Variants in FBXL2 observed in about 807,000 individuals in gnomAD.
The protein encoded by FBXL2 is F-box/LRR-repeat protein 2.
FBXL2 carries 38 observed loss-of-function variants against 69.2 expected under a neutral mutation model. The ratio of observed to expected loss-of-function variants is 0.55; its 90% CI spans 0.42 to 0.72. FBXL2 has a LOEUF of 0.72. Among genes scored for constraint, FBXL2 ranks in the 30% least tolerant of loss-of-function variants. The pLI is 0.00. For missense variants in FBXL2, 354 were observed against 520.3 expected (o/e 0.68, Z 3.11); for synonymous variants, 192 against 201.3 (o/e 0.95, Z 0.39).
chr3:33,394,171 G>A (rs542226482), intron 12 of FBXL2, among the ~76,000 whole-genome samples: 5 of 148,766 alleles, frequency 3.4e-5, no homozygotes, highest in African/African-American at 7.4e-5. Context: ...GGGGGCACAC[G>A]CCACCATGCC....
chr3:33,294,656 T>C (rs903953904), intron 1 of FBXL2, among the ~76,000 whole-genome samples: 5 of 151,972 alleles, frequency 3.3e-5, no homozygotes, highest in Non-Finnish European at 5.9e-5. Flanking sequence ...CTGGGCAACA[T>C]AGGGAGATCC....
At chr3:33,285,557 C>G (rs959505597) in intron 1 of FBXL2, among the ~76,000 whole-genome samples, 3 of 152,136 alleles carry the variant, frequency 2.0e-5, no homozygotes, top group Non-Finnish European at 4.4e-5. Context: ...TTGTGGCATT[C>G]TCTGTATTTC....
At chr3:33,303,583 A>C (rs996528848) in intron 2 of FBXL2, among the ~76,000 whole-genome samples, 2 of 152,154 alleles carry the variant, frequency 1.3e-5, no homozygotes, top group Non-Finnish European at 1.5e-5. Flanking sequence ...TATTCCTAGC[A>C]AATTATATTA....
the FBXL2 span, among the ~76,000 whole-genome samples, chr3:33,418,376 T>G: frequency 6.6e-6 from 1 of 152,010 alleles, no homozygotes; most frequent in Non-Finnish European, 1.5e-5. Context: ...TGCCTTGGAC[T>G]CCTGAGTACC....
At chr3:33,403,984 G>GC (rs1158525067), downstream of FBXL2, among the ~76,000 whole-genome samples, 3 of 152,216 alleles carry the variant, frequency 2.0e-5, no homozygotes, top group African/African-American at 7.2e-5. Context: ...GGTGACTCAT[G>GC]CCCCTAATCT....
intron 1 of FBXL2, among the ~76,000 whole-genome samples, chr3:33,284,942 G>C (rs56193385): frequency 0.13 from 19,127 of 152,062 alleles, 1,707 homozygotes; most frequent in East Asian, 0.41. Context: ...GTGTGTCTCT[G>C]CATGTGATAT....
At chr3:33,416,687 AATTTTTTTTTAAAC>A in the FBXL2 span, 1 of 1,223,178 alleles carries the variant, frequency 8.2e-7, no homozygotes, top group Non-Finnish European at 1.2e-6. Flanking sequence ...AAGTGAAATT[AATTTTTTTTTAAAC>A]AAAAACTCAT....
downstream of FBXL2, chr3:33,388,257 G>A (rs2043594659): frequency 1.3e-5 from 2 of 152,382 alleles, no homozygotes; most frequent in Non-Finnish European, 2.9e-5. Context: ...GACTGGCTCA[G>A]AATACACACA....
chr3:33,409,092 A>AT, the FBXL2 span: 2 of 823,430 alleles, frequency 2.4e-6, no homozygotes, highest in Non-Finnish European at 3.8e-6. Context: ...AAATTTAAAT[A>AT]TTTTCCCCAG....
At chr3:33,396,907 G>T (rs1384214303) in intron 12 of FBXL2, 3 of 804,530 alleles carry the variant, frequency 3.7e-6, no homozygotes, top group Non-Finnish European at 6.4e-6. Context: ...CAGTCTTCTT[G>T]TGAGCACAAT....
intron 1 of FBXL2, among the ~76,000 whole-genome samples, chr3:33,294,698 C>G (rs2035576226): frequency 6.6e-6 from 1 of 151,946 alleles, no homozygotes; most frequent in Non-Finnish European, 1.5e-5. Flanking sequence ...TAAAAACTAG[C>G]TGGGTGTAGT....
the FBXL2 span, among the ~76,000 whole-genome samples, chr3:33,417,756 A>T: frequency 5.9e-5 from 9 of 152,248 alleles, no homozygotes; most frequent in African/African-American, 2.2e-4. Flanking sequence ...AAAATCAGTA[A>T]AAATTAAAGA....
intron 5 of FBXL2, among the ~76,000 whole-genome samples, chr3:33,370,621 C>T (rs1432220009): frequency 6.6e-6 from 1 of 151,940 alleles, no homozygotes; most frequent in Non-Finnish European, 1.5e-5. Context: ...GTTTCTCTCT[C>T]TCTCTCTTCC....
rs77977642 is a variant in FBXL2 at position 33,393,491 on chromosome 3, A to G, written n.1214+7763A>G. ...AAAAAAAAAAGAAAAGCATTTTAACAGTAATCTTTGATCTGTTTTCTGCCT... is the reference window on the plus strand; with the variant it reads ...AAAAAAAAAAGAAAAGCATTTTAACGGTAATCTTTGATCTGTTTTCTGCCT... On this transcript the variant is annotated intron_variant and non_coding_transcript_variant, in intron 12 of 12. Transcript: ENST00000463736. 7.9e-3 allele frequency: 12,424 copies of G among 1,581,820 alleles called. 66 individuals are homozygous for G. The highest frequency in any genetic ancestry group is 9.8e-3 in the Non-Finnish European group (11,484 of 1,166,296).
At chr3:33,294,141 G>A (rs2035519429) in intron 1 of FBXL2, among the ~76,000 whole-genome samples, 1 of 152,150 alleles carries the variant, frequency 6.6e-6, no homozygotes, top group Admixed American at 6.5e-5. Context: ...CTGTTGCCTA[G>A]GCTGGAGTGC....
At chr3:33,277,209 C>G, upstream of FBXL2, 1 of 364,482 alleles carries the variant, frequency 2.7e-6, no homozygotes. Flanking sequence ...TCCATGGTCT[C>G]TTTCAGCTGG....
chr3:33,332,257 A>G (rs1452712654), intron 2 of FBXL2, among the ~76,000 whole-genome samples: 1 of 152,238 alleles, frequency 6.6e-6, no homozygotes, highest in African/African-American at 2.4e-5. Context: ...AATATTTTCC[A>G]TGTGCCAATG....
chr3:33,335,282 T>C (rs1022109588), intron 2 of FBXL2, among the ~76,000 whole-genome samples: 8 of 152,006 alleles, frequency 5.3e-5, no homozygotes, highest in African/African-American at 1.4e-4. Context: ...GGAAATTCTT[T>C]AGGTGAAGAG....
chr3:33,405,549 G>A (rs1186327572), downstream of FBXL2, among the ~76,000 whole-genome samples: 1 of 152,152 alleles, frequency 6.6e-6, no homozygotes, highest in Admixed American at 6.5e-5. Context: ...TTTGAGGCCA[G>A]GTATGGTGGC....
Sources: allele counts gnomAD v4.1 joint callset (sites outside exome capture counted in the v4.1 genomes callset), GRCh38; gene constraint gnomAD v4.1.1; transcripts MANE v1.5; gene names NCBI Gene and HGNC (gene_info 2026-07-23, HGNC 2026-07-21).